RGS7: variants seen among roughly 807,000 people sequenced by gnomAD.
The protein encoded by RGS7 is regulator of G protein signaling 7.
A neutral mutation model predicts 81.1 loss-of-function variants in RGS7; 27 were observed. The ratio of observed to expected loss-of-function variants is 0.33; its 90% CI spans 0.25 to 0.46. The LOEUF is 0.46. RGS7 is among the 20% of genes least tolerant of loss of function. The probability of loss-of-function intolerance (pLI) is 1.00; values close to 1 mark genes in which losing one functional copy is unlikely to be tolerated. For synonymous variants in RGS7, 208 were observed against 207.7 expected (o/e 1.00, Z -0.01); for missense variants, 396 against 607.4 (o/e 0.65, Z 3.66).
At chr1:241,042,691 G>A (rs2060689020) in intron 3 of RGS7, among the ~76,000 whole-genome samples, 1 of 152,048 alleles carries the variant, frequency 6.6e-6, no homozygotes, top group Non-Finnish European at 1.5e-5. Flanking sequence ...TGTAATCCCA[G>A]CACTTTGGGA....
intron 2 of RGS7, among the ~76,000 whole-genome samples, chr1:241,140,754 C>G (rs758384582): frequency 6.6e-6 from 1 of 152,178 alleles, no homozygotes; most frequent in Non-Finnish European, 1.5e-5. Context: ...TGTGTCTTCT[C>G]CTTTTTGCTG....
chr1:241,032,781 C>T (rs1046468121), intron 3 of RGS7, among the ~76,000 whole-genome samples: 1 of 152,112 alleles, frequency 6.6e-6, no homozygotes, highest in Non-Finnish European at 1.5e-5. Context: ...TTCTCAACTT[C>T]ATCATTATTT....
At chr1:241,332,849 C>T (rs536503205) in intron 2 of RGS7, among the ~76,000 whole-genome samples, 35 of 152,322 alleles carry the variant, frequency 2.3e-4, no homozygotes, top group Non-Finnish European at 3.7e-4. Context: ...TAGAATTCCA[C>T]CTTCAGAACC....
chr1:240,840,452 T>C (rs1459684520), intron 9 of RGS7, among the ~76,000 whole-genome samples: 2 of 152,190 alleles, frequency 1.3e-5, no homozygotes, highest in African/African-American at 2.4e-5. Flanking sequence ...TTTGTAGTTT[T>C]AGTAGAGAGA....
chr1:241,100,365 ACTC>A (rs2064639027), intron 2 of RGS7, among the ~76,000 whole-genome samples: 1 of 122,764 alleles, frequency 8.1e-6, no homozygotes, highest in Non-Finnish European at 1.6e-5. Context: ...AAAGAGCAAG[ACTC>A]CATTTCAAAA....
At chr1:241,135,468 ACACGGCCTCG>A (rs1264981740) in intron 2 of RGS7, among the ~76,000 whole-genome samples, 1 of 152,242 alleles carries the variant, frequency 6.6e-6, no homozygotes, top group East Asian at 1.9e-4. Flanking sequence ...ATGTTGCTCC[ACACGGCCTCG>A]TGTTGTCTGT....
intron 9 of RGS7, among the ~76,000 whole-genome samples, chr1:240,856,954 T>G (rs1010650404): frequency 6.6e-6 from 1 of 152,130 alleles, no homozygotes; most frequent in Non-Finnish European, 1.5e-5. Context: ...GCACACTGAG[T>G]AAAGTAGAGA....
intron 3 of RGS7, among the ~76,000 whole-genome samples, chr1:241,045,751 C>A (rs948340186): frequency 6.6e-6 from 1 of 152,182 alleles, no homozygotes; most frequent in Non-Finnish European, 1.5e-5. Context: ...CATTGCAACT[C>A]CTCCTTGTTT....
At chr1:240,787,314 C>T (rs1685234967) in intron 18 of RGS7, among the ~76,000 whole-genome samples, 1 of 152,066 alleles carries the variant, frequency 6.6e-6, no homozygotes, top group African/African-American at 2.4e-5. Flanking sequence ...CAAGGAGCTC[C>T]CTGTAGACCC....
chr1:241,225,927 T>A (rs2075286781), intron 2 of RGS7, among the ~76,000 whole-genome samples: 1 of 152,192 alleles, frequency 6.6e-6, no homozygotes, highest in African/African-American at 2.4e-5. Flanking sequence ...AAAAAGTTGA[T>A]CCTTTGGTAC....
chr1:240,870,058 C>T lies in RGS7; in HGVS notation c.447G>A (p.Glu149=), dbSNP rs1410727772. The T allele has an allele frequency of 6.2e-7, 1 of 1,613,828 alleles. No individual in the cohort carries two copies. The highest frequency in any genetic ancestry group is 1.3e-5 in the African/African-American group (1 of 74,900). The change falls in exon 7 of 19, where the codon GAG becomes GAA. Residue 149 remains glutamate, a synonymous_variant. Coordinates refer to ENST00000440928, the MANE Select transcript of RGS7 (RefSeq NM_001364886.1). ...NKARLELADY[E]AESLARLQRA... ...CCAGAAGGTCCTTGGTACTTACAGC[C>T]TCATAGTCTGCGAGCTCCAGTCGTG...
At chr1:240,919,015 A>G (rs909833471) in intron 6 of RGS7, among the ~76,000 whole-genome samples, 3 of 152,128 alleles carry the variant, frequency 2.0e-5, no homozygotes, top group Non-Finnish European at 2.9e-5. Flanking sequence ...GAAAGATACA[A>G]TCTACTGAAA....
intron 2 of RGS7, among the ~76,000 whole-genome samples, chr1:241,276,637 A>T (rs1353955814): frequency 6.6e-6 from 1 of 152,212 alleles, no homozygotes; most frequent in East Asian, 1.9e-4. Context: ...CAACGTCCAG[A>T]CAATCAGGGT....
At chr1:240,904,863 T>C (rs1670568526) in intron 6 of RGS7, among the ~76,000 whole-genome samples, 4 of 152,218 alleles carry the variant, frequency 2.6e-5, no homozygotes, top group African/African-American at 9.6e-5. Flanking sequence ...TTTCAGTTCA[T>C]AATGCATGGT....
intron 3 of RGS7, among the ~76,000 whole-genome samples, chr1:241,094,706 T>C (rs2064130143): frequency 6.6e-6 from 1 of 152,168 alleles, no homozygotes; most frequent in Admixed American, 6.5e-5. Flanking sequence ...ACAAACCCTA[T>C]TATTAGGTAG....
intron 2 of RGS7, among the ~76,000 whole-genome samples, chr1:241,295,979 T>C (rs2079399015): frequency 6.6e-6 from 1 of 152,056 alleles, no homozygotes; most frequent in Admixed American, 6.6e-5. Flanking sequence ...GTCACAAAAG[T>C]TGGAGGAAGA....
At chr1:241,258,063 T>G (rs1356426990) in intron 2 of RGS7, among the ~76,000 whole-genome samples, 1 of 152,190 alleles carries the variant, frequency 6.6e-6, no homozygotes, top group African/African-American at 2.4e-5. Context: ...AAAAGTCTAT[T>G]GACTATGTAA....
intron 2 of RGS7, among the ~76,000 whole-genome samples, chr1:241,310,781 T>A (rs1182170067): frequency 6.6e-6 from 1 of 152,234 alleles, no homozygotes; most frequent in Non-Finnish European, 1.5e-5. Context: ...CAGCAATTTT[T>A]AAATTCTTAA....
At chr1:241,209,921 T>G (rs1296939142) in intron 2 of RGS7, among the ~76,000 whole-genome samples, 1 of 152,086 alleles carries the variant, frequency 6.6e-6, no homozygotes, top group Non-Finnish European at 1.5e-5. Context: ...TTAGAGTACC[T>G]TATTGGTATC....
Sources: allele counts gnomAD v4.1 joint callset (sites outside exome capture counted in the v4.1 genomes callset), GRCh38; gene constraint gnomAD v4.1.1; transcripts MANE v1.5; gene names NCBI Gene and HGNC (gene_info 2026-07-23, HGNC 2026-07-21).